AFDN: variants seen among roughly 807,000 people sequenced by gnomAD.
AFDN encodes afadin, adherens junction formation factor, also known as afadin.
A neutral mutation model predicts 216.6 loss-of-function variants in AFDN; 68 were observed. The ratio of observed to expected loss-of-function variants is 0.31; its 90% CI spans 0.26 to 0.38. The LOEUF (loss-of-function observed/expected upper bound fraction) is 0.38. Among genes scored for constraint, AFDN ranks in the 10% least tolerant of loss-of-function variants. AFDN has a pLI of 1.00. For missense variants in AFDN, 2,136 were observed against 2,342.0 expected, an observed-to-expected ratio of 0.91 and a Z score of 1.82; for synonymous variants, 868 against 853.7, an observed-to-expected ratio of 1.02 and a Z score of -0.29.
chr6:167,924,806 A>G, intron 22 of AFDN, 199 bp from the exon 23 acceptor site: 1 of 599,334 alleles, frequency 1.7e-6, no homozygotes, highest in Non-Finnish European at 3.0e-6. Flanking sequence ...GACTTGAGTC[A>G]AGAATATCGA....
At chr6:167,950,089 G>T (rs1207979900) in intron 29 of AFDN, among the ~76,000 whole-genome samples, 1 of 152,180 alleles carries the variant, frequency 6.6e-6, no homozygotes, top group Non-Finnish European at 1.5e-5. Context: ...TTATACCCCA[G>T]TAATGAGACT....
Position 167,890,887 on chromosome 6 carries a change from G to T in AFDN, c.1035G>T (p.Arg345Ser), listed in dbSNP as rs1274788820. 6.2e-7 allele frequency: 1 copy of T among 1,613,266 alleles called. No individual in the cohort carries two copies. The highest frequency in any genetic ancestry group is 2.2e-5 in the East Asian group (1 of 44,842). Residue 345 changes from arginine to serine, a missense_variant, in exon 8 of 34, where the codon AGG becomes AGT. By Grantham distance (110) the Arg-to-Ser change is moderately radical. Around this residue, in one of 8 missense-constraint regions of AFDN, gnomAD observed 817 missense variants for 965.7 expected, o/e 0.85. Coordinates refer to ENST00000683244, the MANE Select transcript of AFDN (RefSeq NM_001386888.1). ...GGATTTTAGTCTTTCAGTTGAAGAG[G>T]AGGCCACCAGACCACATCCCAAAGA... ...DKGILVFQLK[R>S]RPPDHIPKKT...
At chr6:167,861,348 A>G (rs1372538012) in intron 1 of AFDN, among the ~76,000 whole-genome samples, 1 of 152,226 alleles carries the variant, frequency 6.6e-6, no homozygotes, top group Non-Finnish European at 1.5e-5. Flanking sequence ...ACTAAAACAT[A>G]GTTTTCATAG....
chr6:167,864,232 C>T (rs1583202481), intron 1 of AFDN: 2 of 559,750 alleles, frequency 3.6e-6, no homozygotes, highest in African/African-American at 1.9e-5. Flanking sequence ...TGTTGAGCTG[C>T]ATTCTTATAA....
chr6:167,879,061 C>G (rs1785788150), intron 5 of AFDN, among the ~76,000 whole-genome samples: 1 of 152,182 alleles, frequency 6.6e-6, no homozygotes, highest in Non-Finnish European at 1.5e-5. Flanking sequence ...CATCCTACTT[C>G]CCAACCACAG....
intron 16 of AFDN, chr6:167,913,926 G>T (rs1219786300): frequency 4.0e-6 from 2 of 505,390 alleles, no homozygotes; most frequent in South Asian, 3.1e-5. Flanking sequence ...TCTATAAATT[G>T]TAGCTAACTG....
chr6:167,896,935 A>G lies in AFDN; in HGVS notation c.1280A>G (p.Glu427Gly). The change falls in exon 10 of 34, where the codon GAA (glutamate) becomes GGA (glycine). Residue 427 changes from glutamate to glycine, a missense_variant. Glu to Gly is a moderately conservative substitution (Grantham distance 98). Around this residue, in one of 8 missense-constraint regions of AFDN, gnomAD observed 817 missense variants for 965.7 expected, o/e 0.85. Coordinates refer to ENST00000683244, the MANE Select transcript of AFDN (RefSeq NM_001386888.1). ...KLYRLQLSVT[E>G]VGTEKLDDNS... ...TACCGCCTTCAGTTAAGTGTTACTG[A>G]AGTTGGGACAGAAAAGTTGGATGAC... The G allele has an allele frequency of 6.2e-7, 1 of 1,613,702 alleles. No individual in the cohort carries two copies. The highest frequency in any genetic ancestry group is 8.5e-7 in the Non-Finnish European group (1 of 1,179,706).
At chr6:167,921,740 C>T (rs1791837326) in intron 21 of AFDN, among the ~76,000 whole-genome samples, 1 of 151,296 alleles carries the variant, frequency 6.6e-6, no homozygotes, top group Non-Finnish European at 1.5e-5. Context: ...TTCCCTGAAA[C>T]ATGAGAAAGA....
At chr6:167,871,757 T>C (rs1784824106) in intron 3 of AFDN, among the ~76,000 whole-genome samples, 1 of 152,202 alleles carries the variant, frequency 6.6e-6, no homozygotes, top group South Asian at 2.1e-4. Flanking sequence ...CTCTTAACAA[T>C]TCCTTTAAAG....
chr6:167,826,673 A>G, upstream of AFDN: 1 of 468,352 alleles, frequency 2.1e-6, no homozygotes, highest in Non-Finnish European at 4.3e-6. Flanking sequence ...GCTGGTCGGG[A>G]AGGAACCCGG....
intron 22 of AFDN, 141 bp from the exon 23 acceptor site, chr6:167,924,864 T>TG: frequency 1.4e-6 from 1 of 732,094 alleles, no homozygotes; most frequent in Admixed American, 1.8e-5. Context: ...TTAATTGAAA[T>TG]TTTTTTTACT....
intron 31 of AFDN, chr6:167,964,413 A>G: frequency 1.9e-6 from 2 of 1,065,080 alleles, no homozygotes; most frequent in Non-Finnish European, 1.1e-6. Flanking sequence ...AAGCCACAAG[A>G]AGTCATTCTG....
chr6:167,943,901 C>T (rs747498170), intron 25 of AFDN, 40 bp from the exon 26 acceptor site: 14 of 1,538,542 alleles, frequency 9.1e-6, no homozygotes, highest in South Asian at 4.5e-5. Flanking sequence ...GCAGGCACTG[C>T]GTTTTAGTCT....
chr6:167,956,133 A>C (rs1045467345), intron 30 of AFDN, among the ~76,000 whole-genome samples: 2 of 151,122 alleles, frequency 1.3e-5, no homozygotes, highest in Non-Finnish European at 3.0e-5. Context: ...AAAAAAAAAA[A>C]AAAAAAACTA....
chr6:167,943,386 C>T lies in AFDN; in HGVS notation c.3166-16C>T. On this transcript the variant is annotated splice_polypyrimidine_tract_variant and intron_variant, in intron 24 of 33. Transcript: ENST00000683244. ...CTCTACCCCTAATCCATGCACACACCTGTGGATTTGCCTAGGATGGACGTC... is the reference window on the plus strand; with the variant it reads ...CTCTACCCCTAATCCATGCACACACTTGTGGATTTGCCTAGGATGGACGTC... The T allele has an allele frequency of 6.2e-7, 1 of 1,612,244 alleles. No homozygotes were observed. Among genetic ancestry groups the T allele is most frequent in the Non-Finnish European group, 8.5e-7 (1 of 1,178,250 alleles).
chr6:167,858,134 A>G (rs1783109399), intron 1 of AFDN, among the ~76,000 whole-genome samples: 1 of 152,142 alleles, frequency 6.6e-6, no homozygotes, highest in African/African-American at 2.4e-5. Context: ...TCCCCTTTCC[A>G]TAATGCTGAC....
chr6:167,830,933 CTTTT>C (rs71681602), intron 1 of AFDN, among the ~76,000 whole-genome samples: 2 of 79,318 alleles, frequency 2.5e-5, no homozygotes, highest in African/African-American at 5.0e-5. Context: ...ATATTTGAAA[CTTTT>C]TTTTTTTTTT....
chr6:167,888,886 A>G (rs949486560), intron 6 of AFDN, among the ~76,000 whole-genome samples: 7 of 152,212 alleles, frequency 4.6e-5, no homozygotes, highest in African/African-American at 1.4e-4. Flanking sequence ...GAAATTTGCA[A>G]TAGTGAAGAA....
At chr6:167,964,070 C>T in intron 31 of AFDN, 1 of 1,064,452 alleles carries the variant, frequency 9.4e-7, no homozygotes, top group South Asian at 4.6e-5. Flanking sequence ...CCATGTTTTT[C>T]CTGTGCTGAG....
Sources: allele counts gnomAD v4.1 joint callset (sites outside exome capture counted in the v4.1 genomes callset), GRCh38; gene constraint gnomAD v4.1.1; regional missense constraint gnomAD v4.1.1; transcripts MANE v1.5; gene names NCBI Gene and HGNC (gene_info 2026-07-23, HGNC 2026-07-21).